Variants in IGFL2 observed in about 807,000 individuals in gnomAD.
IGFL2 encodes the protein IGF like family member 2, also known as insulin growth factor-like family member 2.
In IGFL2, 7 loss-of-function variants were observed where a neutral mutation model predicts 13.9. The ratio of observed to expected loss-of-function variants is 0.51; its 90% CI spans 0.29 to 0.95. The LOEUF (loss-of-function observed/expected upper bound fraction) is 0.95. Ranked by LOEUF, IGFL2 falls within the 40% of genes least tolerant of loss-of-function variation. The pLI, the probability that IGFL2 is intolerant of heterozygous loss-of-function variation, is 0.08. For synonymous variants in IGFL2, 55 were observed against 55.8 expected (o/e 0.99, Z 0.07); for missense variants, 138 against 147.8 (o/e 0.93, Z 0.34).
chr19:46,125,273 G>C, the IGFL2 span, among the ~76,000 whole-genome samples: 2 of 152,220 alleles, frequency 1.3e-5, no homozygotes, highest in Non-Finnish European at 2.9e-5. Context: ...CTCCTGGTGT[G>C]CTTGGTGTGA....
chr19:46,179,396 TGTG>T, the IGFL2 span: 1 of 154,742 alleles, frequency 6.5e-6, no homozygotes, highest in African/African-American at 2.5e-5. Context: ...CAGAGCTGGT[TGTG>T]GTGTGCAGGG....
At chr19:46,160,996 T>C (rs1974139628) in intron 3 of IGFL2, 74 bp from the exon 4 acceptor site, 2 of 1,537,768 alleles carry the variant, frequency 1.3e-6, no homozygotes, top group Admixed American at 1.9e-5. Context: ...GTCTAATCTC[T>C]AGCAGTTTCT....
At chr19:46,152,641 A>G (rs1973566827) in intron 1 of IGFL2, among the ~76,000 whole-genome samples, 3 of 152,168 alleles carry the variant, frequency 2.0e-5, no homozygotes, top group African/African-American at 7.2e-5. Context: ...ATTTTACTTT[A>G]TCTTTCTCAG....
At chr19:46,138,758 A>G (rs1600859633), upstream of IGFL2, among the ~76,000 whole-genome samples, 1 of 151,522 alleles carries the variant, frequency 6.6e-6, no homozygotes, top group Non-Finnish European at 1.5e-5. Context: ...GCGGGTAGGG[A>G]ACTTGGGAGA....
the IGFL2 span, among the ~76,000 whole-genome samples, chr19:46,094,193 G>A: frequency 2.6e-4 from 39 of 152,002 alleles, no homozygotes; most frequent in African/African-American, 5.6e-4. Context: ...TTATAAAGGT[G>A]TAGTAATCAA....
At chr19:46,099,613 C>T in the IGFL2 span, among the ~76,000 whole-genome samples, 1 of 151,884 alleles carries the variant, frequency 6.6e-6, no homozygotes, top group Non-Finnish European at 1.5e-5. Context: ...ACTGCAACCT[C>T]TGCCCCCCGA....
At chr19:46,094,195 A>G in the IGFL2 span, among the ~76,000 whole-genome samples, 4 of 152,146 alleles carry the variant, frequency 2.6e-5, no homozygotes, top group Non-Finnish European at 5.9e-5. Flanking sequence ...ATAAAGGTGT[A>G]GTAATCAAGA....
chr19:46,190,906 G>A, the IGFL2 span, among the ~76,000 whole-genome samples: 1,279 of 152,190 alleles, frequency 8.4e-3, 16 homozygotes, highest in African/African-American at 0.029. Flanking sequence ...TTGACTATTC[G>A]GGAGTCCCGC....
chr19:46,186,912 A>T, the IGFL2 span, among the ~76,000 whole-genome samples: 1 of 152,244 alleles, frequency 6.6e-6, no homozygotes, highest in African/African-American at 2.4e-5. Context: ...AAAGAAAAAA[A>T]TAACCTAAGT....
chr19:46,093,212 TTA>T, the IGFL2 span, among the ~76,000 whole-genome samples: 834 of 152,290 alleles, frequency 5.5e-3, 13 homozygotes, highest in African/African-American at 0.019. Context: ...GAAATTGCCT[TTA>T]TGATTATGAA....
chr19:46,203,724 T>C, the IGFL2 span: 1 of 152,450 alleles, frequency 6.6e-6, no homozygotes, highest in African/African-American at 2.4e-5. Flanking sequence ...TGTTTTTGTT[T>C]TTGTTTTTGT....
the IGFL2 span, among the ~76,000 whole-genome samples, chr19:46,122,332 CA>C: frequency 6.6e-6 from 1 of 150,920 alleles, no homozygotes; most frequent in Non-Finnish European, 1.5e-5. Flanking sequence ...ATATTTAGGA[CA>C]AATACTAAAT....
chr19:46,160,330 T>TC, intron 1 of IGFL2, 85 bp from the exon 2 acceptor site: 1 of 1,229,498 alleles, frequency 8.1e-7, no homozygotes, highest in South Asian at 1.3e-5. Flanking sequence ...AACTAAGCCT[T>TC]CCCCACCCTG....
At chr19:46,209,701 A>G in the IGFL2 span, 1 of 152,212 alleles carries the variant, frequency 6.6e-6, no homozygotes, top group Admixed American at 6.5e-5. Flanking sequence ...CTTTGATCCC[A>G]AATGACTTAT....
At chr19:46,129,329 G>GTGTGTGTC in the IGFL2 span, among the ~76,000 whole-genome samples, 112 of 151,302 alleles carry the variant, frequency 7.4e-4, 2 homozygotes, top group Middle Eastern at 0.017. Context: ...GTGTGTGTGT[G>GTGTGTGTC]TGTGTGTGTG....
At chr19:46,109,082 A>T in the IGFL2 span, among the ~76,000 whole-genome samples, 1 of 152,172 alleles carries the variant, frequency 6.6e-6, no homozygotes, top group Non-Finnish European at 1.5e-5. Context: ...TTTGGCACCA[A>T]ATGTCACGTG....
At chr19:46,137,415 C>G in the IGFL2 span, 2 of 1,038,170 alleles carry the variant, frequency 1.9e-6, no homozygotes, top group East Asian at 4.8e-5. Flanking sequence ...TTTTCTTGCT[C>G]GGAAGGATGG....
At chr19:46,164,238 C>T (rs1568436604), downstream of IGFL2, 2 of 150,434 alleles carry the variant, frequency 1.3e-5, no homozygotes, top group African/African-American at 4.9e-5. Flanking sequence ...AGAACACAAA[C>T]AGGGGTGACT....
chr19:46,195,572 T>C, the IGFL2 span, among the ~76,000 whole-genome samples: 1 of 152,038 alleles, frequency 6.6e-6, no homozygotes, highest in African/African-American at 2.4e-5. Flanking sequence ...GGAGTCTAAA[T>C]GTATGTATTT....
Sources: allele counts gnomAD v4.1 joint callset (sites outside exome capture counted in the v4.1 genomes callset), GRCh38; gene constraint gnomAD v4.1.1; transcripts MANE v1.5; gene names NCBI Gene and HGNC (gene_info 2026-07-23, HGNC 2026-07-21).